AK9: variants seen among roughly 807,000 people sequenced by gnomAD.
AK9 encodes the protein adenylate kinase domain containing 1.
In AK9, 191 loss-of-function variants were observed where a neutral mutation model predicts 239.6. The ratio of observed to expected loss-of-function variants is 0.80; its 90% confidence interval spans 0.71 to 0.90. AK9 has a LOEUF of 0.90. AK9 is among the 40% of genes least tolerant of loss of function. AK9 has a pLI of 0.00. For missense variants in AK9, 1,995 were observed against 2,214.7 expected (o/e 0.90, Z 1.99); for synonymous variants, 689 against 721.0 (o/e 0.96, Z 0.71).
chr6:109,517,370 C>A (rs1779384279), intron 29 of AK9, among the ~76,000 whole-genome samples: 1 of 152,134 alleles, frequency 6.6e-6, no homozygotes, highest in African/African-American at 2.4e-5. Flanking sequence ...AAAGTGGTCC[C>A]ATAAATAAAT....
chr6:109,561,229 G>A (rs1028218319), intron 24 of AK9, among the ~76,000 whole-genome samples: 3 of 152,174 alleles, frequency 2.0e-5, no homozygotes, highest in African/African-American at 4.8e-5. Flanking sequence ...TGGGATTACA[G>A]GCGTGAGCCA....
chr6:109,679,479 A>G (rs7341297), intron 1 of AK9, among the ~76,000 whole-genome samples: 52,606 of 151,896 alleles, frequency 0.35, 9,582 homozygotes, highest in South Asian at 0.44. Flanking sequence ...TAAAATTCCT[A>G]TCTCCCTGGG....
intron 29 of AK9, among the ~76,000 whole-genome samples, chr6:109,518,554 A>G (rs546791742): frequency 6.6e-6 from 1 of 152,080 alleles, no homozygotes; most frequent in East Asian, 1.9e-4. Context: ...TAAATTATAT[A>G]GTATTGTATA....
intron 8 of AK9, among the ~76,000 whole-genome samples, chr6:109,646,347 A>G (rs1029972321): frequency 1.3e-5 from 2 of 152,164 alleles, no homozygotes; most frequent in Non-Finnish European, 2.9e-5. Context: ...AAAACCTTGA[A>G]AAAAGGTTAG....
chr6:109,540,790 T>G (rs146781952), intron 27 of AK9, among the ~76,000 whole-genome samples: 1 of 152,336 alleles, frequency 6.6e-6, no homozygotes, highest in East Asian at 1.9e-4. Flanking sequence ...TCATTCCTAC[T>G]GTTCCTGCTG....
chr6:109,624,161 C>A (rs1795231486), intron 12 of AK9, among the ~76,000 whole-genome samples: 1 of 151,864 alleles, frequency 6.6e-6, no homozygotes, highest in South Asian at 2.1e-4. Flanking sequence ...TAATCATCTC[C>A]CTGGAGCTAT....
chr6:109,575,342 T>C (rs917407499), intron 20 of AK9, among the ~76,000 whole-genome samples: 7 of 152,320 alleles, frequency 4.6e-5, no homozygotes, highest in African/African-American at 1.7e-4. Context: ...CCAACATCTA[T>C]TATTTTTTGA....
At chr6:109,685,835 G>C (rs141025965) in intron 1 of AK9, among the ~76,000 whole-genome samples, 68 of 152,304 alleles carry the variant, frequency 4.5e-4, no homozygotes, top group African/African-American at 1.6e-3. Context: ...AATGAAGAGT[G>C]ATACCAACCA....
At chr6:109,621,058 A>C (rs2128250083) in intron 12 of AK9, among the ~76,000 whole-genome samples, 1 of 151,460 alleles carries the variant, frequency 6.6e-6, no homozygotes, top group South Asian at 2.1e-4. Context: ...AAAAACAAAC[A>C]ACCCCATCAA....
chr6:109,570,334 C>T (rs528788069), intron 21 of AK9, among the ~76,000 whole-genome samples: 13 of 151,914 alleles, frequency 8.6e-5, no homozygotes, highest in African/African-American at 1.7e-4. Context: ...AATGTAATGA[C>T]GAGTTAACGG....
At chr6:109,655,878 G>A (rs534102917) in intron 8 of AK9, among the ~76,000 whole-genome samples, 89 of 152,312 alleles carry the variant, frequency 5.8e-4, no homozygotes, top group African/African-American at 2.1e-3. Flanking sequence ...GACAGGAGAG[G>A]TGGGGAGGAA....
chr6:109,601,963 G>A (rs1192260488), intron 17 of AK9, among the ~76,000 whole-genome samples: 2 of 151,978 alleles, frequency 1.3e-5, no homozygotes, highest in African/African-American at 2.4e-5. Context: ...TTAAGCTTAT[G>A]TGTGTGTCTG....
At chr6:109,550,962 C>T (rs1047273309) in intron 24 of AK9, among the ~76,000 whole-genome samples, 5 of 151,814 alleles carry the variant, frequency 3.3e-5, no homozygotes, top group Non-Finnish European at 2.9e-5. Flanking sequence ...CTCTTTTCAC[C>T]GTTTTTCTTC....
intron 25 of AK9, among the ~76,000 whole-genome samples, chr6:109,548,354 C>G (rs185823502): frequency 2.0e-5 from 3 of 152,218 alleles, no homozygotes; most frequent in Admixed American, 2.0e-4. Context: ...ATCAGAGCAA[C>G]ATGAGTTCTG....
At chr6:109,517,064 G>A (rs1386320523) in intron 29 of AK9, among the ~76,000 whole-genome samples, 1 of 152,122 alleles carries the variant, frequency 6.6e-6, no homozygotes, top group Non-Finnish European at 1.5e-5. Context: ...TCAGTTGCTG[G>A]TTGTAGTAGC....
intron 20 of AK9, among the ~76,000 whole-genome samples, chr6:109,577,710 AG>A (rs1261658255): frequency 1.3e-5 from 2 of 152,076 alleles, no homozygotes; most frequent in Non-Finnish European, 2.9e-5. Context: ...TTAATCTAGA[AG>A]GGTTGTTTAC....
At chr6:109,652,800 T>C (rs1799156732) in intron 8 of AK9, among the ~76,000 whole-genome samples, 1 of 152,162 alleles carries the variant, frequency 6.6e-6, no homozygotes, top group Non-Finnish European at 1.5e-5. Context: ...CACAACACAG[T>C]GCGTCTTTTT....
intron 32 of AK9, among the ~76,000 whole-genome samples, chr6:109,510,919 A>T (rs1778670133): frequency 6.6e-6 from 1 of 152,206 alleles, no homozygotes; most frequent in African/African-American, 2.4e-5. Flanking sequence ...TATCAACAGC[A>T]AGCTAATTTT....
intron 27 of AK9, 103 bp from the exon 28 acceptor site, chr6:109,533,573 T>C (rs1339741196): frequency 1.9e-5 from 16 of 851,506 alleles, no homozygotes; most frequent in Non-Finnish European, 2.5e-5. Flanking sequence ...TATTAAGTCA[T>C]CATTACACCT....
Sources: gnomAD v4.1 joint callset for allele counts (sites outside exome capture counted in the v4.1 genomes callset) on GRCh38, gnomAD v4.1.1 for gene constraint, MANE v1.5 for transcripts, NCBI Gene and HGNC (gene_info 2026-07-23, HGNC 2026-07-21) for gene names.